Variants in ARHGAP26 observed in about 807,000 individuals in gnomAD.
The protein encoded by ARHGAP26 is rho GTPase-activating protein 26.
A neutral mutation model predicts 104.8 loss-of-function variants in ARHGAP26; 38 were observed. The ratio of observed to expected loss-of-function variants is 0.36; its 90% confidence interval spans 0.28 to 0.48. The LOEUF is 0.48. ARHGAP26 is among the 20% of genes least tolerant of loss of function. The pLI is 0.99. For synonymous variants in ARHGAP26, 341 were observed against 340.0 expected (o/e 1.00, Z -0.03); for missense variants, 704 against 947.9 (o/e 0.74, Z 3.38).
chr5:143,124,475 G>A (rs1215825364), intron 18 of ARHGAP26, among the ~76,000 whole-genome samples: 2 of 152,218 alleles, frequency 1.3e-5, no homozygotes, highest in South Asian at 4.1e-4. Flanking sequence ...GTATCAGCTG[G>A]GTTGGTTTGA....
intron 4 of ARHGAP26, among the ~76,000 whole-genome samples, chr5:142,883,960 A>C (rs1312184110): frequency 6.6e-6 from 1 of 152,204 alleles, no homozygotes; most frequent in Non-Finnish European, 1.5e-5. Context: ...GCTGATTATA[A>C]ATTTGTTAAA....
chr5:142,847,055 AGCTCTGTTGCTT>A (rs1321113143), intron 1 of ARHGAP26, among the ~76,000 whole-genome samples: 1 of 151,964 alleles, frequency 6.6e-6, no homozygotes, highest in East Asian at 1.9e-4. Flanking sequence ...TGAGAATCTC[AGCTCTGTTGCTT>A]GCTCTCGGTG....
intron 1 of ARHGAP26, among the ~76,000 whole-genome samples, chr5:142,797,746 G>A (rs1761274380): frequency 6.6e-6 from 1 of 152,202 alleles, no homozygotes; most frequent in Non-Finnish European, 1.5e-5. Flanking sequence ...GTTTAAAGCT[G>A]AGTTTGAAAA....
chr5:142,890,237 T>C (rs958905758), intron 5 of ARHGAP26, among the ~76,000 whole-genome samples: 3 of 142,438 alleles, frequency 2.1e-5, no homozygotes, highest in African/African-American at 7.7e-5. Flanking sequence ...TGTGTGTTTA[T>C]TGAGTCATAA....
chr5:143,002,281 A>G (rs1398653814), intron 11 of ARHGAP26, among the ~76,000 whole-genome samples: 1 of 151,746 alleles, frequency 6.6e-6, no homozygotes, highest in Non-Finnish European at 1.5e-5. Flanking sequence ...GCTGCATACC[A>G]TCCCGAGGAA....
chr5:143,164,514 A>G (rs76680941), intron 20 of ARHGAP26, among the ~76,000 whole-genome samples: 1 of 152,220 alleles, frequency 6.6e-6, no homozygotes, highest in Non-Finnish European at 1.5e-5. Flanking sequence ...ATTTCAAAGA[A>G]TGAGACTCTT....
intron 1 of ARHGAP26, among the ~76,000 whole-genome samples, chr5:142,843,803 G>T (rs1480746859): frequency 1.3e-5 from 2 of 152,100 alleles, no homozygotes; most frequent in Non-Finnish European, 2.9e-5. Flanking sequence ...AAAATCTGGG[G>T]CTTGATCTGC....
chr5:142,880,311 A>G (rs1756775329), intron 4 of ARHGAP26, among the ~76,000 whole-genome samples: 1 of 152,194 alleles, frequency 6.6e-6, no homozygotes. Flanking sequence ...CGAGGTCAGG[A>G]GTTCGAGACC....
chr5:142,931,904 A>T, intron 10 of ARHGAP26, 143 bp from the exon 11 acceptor site: 1 of 723,332 alleles, frequency 1.4e-6, no homozygotes, highest in Non-Finnish European at 2.4e-6. Context: ...AAGGTGGCTT[A>T]GTAAAGCCGA....
intron 14 of ARHGAP26, among the ~76,000 whole-genome samples, chr5:143,044,737 T>G (rs557343725): frequency 6.6e-6 from 1 of 152,340 alleles, no homozygotes; most frequent in South Asian, 2.1e-4. Context: ...CAATATCAGA[T>G]TCTAGCATTA....
intron 18 of ARHGAP26, among the ~76,000 whole-genome samples, chr5:143,132,627 G>A (rs952843054): frequency 2.2e-4 from 34 of 152,072 alleles, no homozygotes; most frequent in African/African-American, 7.7e-4. Flanking sequence ...GATGAAAAGT[G>A]TGTGTTAACA....
At chr5:143,088,495 T>C (rs1790925184) in intron 17 of ARHGAP26, among the ~76,000 whole-genome samples, 1 of 152,202 alleles carries the variant, frequency 6.6e-6, no homozygotes, top group Admixed American at 6.6e-5. Flanking sequence ...GTTATGTCTT[T>C]ATTATTTTCA....
At chr5:143,184,451 G>T (rs1562570505) in intron 20 of ARHGAP26, among the ~76,000 whole-genome samples, 1 of 152,190 alleles carries the variant, frequency 6.6e-6, no homozygotes, top group Non-Finnish European at 1.5e-5. Flanking sequence ...AGGTGCCGTG[G>T]GTGGGGGTCT....
At chr5:143,160,872 C>T (rs1445686238) in intron 20 of ARHGAP26, among the ~76,000 whole-genome samples, 6 of 152,172 alleles carry the variant, frequency 3.9e-5, no homozygotes, top group African/African-American at 1.2e-4. Context: ...GCTGGCCTCG[C>T]CCAGGGCTCT....
At chr5:143,143,243 G>T (rs1187653278) in intron 19 of ARHGAP26, among the ~76,000 whole-genome samples, 2 of 152,302 alleles carry the variant, frequency 1.3e-5, no homozygotes, top group Admixed American at 6.5e-5. Flanking sequence ...GGCCTGCCAA[G>T]ACGTGTGAAT....
intron 13 of ARHGAP26, among the ~76,000 whole-genome samples, chr5:143,040,129 G>A (rs1307153495): frequency 6.6e-6 from 1 of 152,176 alleles, no homozygotes; most frequent in Non-Finnish European, 1.5e-5. Context: ...AAGAAGTAGA[G>A]ACACTTAAGA....
intron 12 of ARHGAP26, among the ~76,000 whole-genome samples, chr5:143,036,234 G>A (rs1445754664): frequency 6.6e-6 from 1 of 152,122 alleles, no homozygotes; most frequent in African/African-American, 2.4e-5. Flanking sequence ...GTGGTAGAAT[G>A]CCTTGTCCAC....
intron 1 of ARHGAP26, among the ~76,000 whole-genome samples, chr5:142,775,302 A>G (rs889745640): frequency 1.3e-5 from 2 of 152,110 alleles, no homozygotes; most frequent in Non-Finnish European, 2.9e-5. Context: ...CCATCCTACT[A>G]GGTGTGTAGT....
intron 1 of ARHGAP26, among the ~76,000 whole-genome samples, chr5:142,784,183 A>G (rs923235701): frequency 4.6e-5 from 7 of 152,250 alleles, no homozygotes; most frequent in African/African-American, 1.4e-4. Flanking sequence ...CTCTCTGGAA[A>G]GAAAGCCTGT....
Sources: gnomAD v4.1 joint callset for allele counts (sites outside exome capture counted in the v4.1 genomes callset) on GRCh38, gnomAD v4.1.1 for gene constraint, MANE v1.5 for transcripts, NCBI Gene and HGNC (gene_info 2026-07-23, HGNC 2026-07-21) for gene names.